The following RPS6 variants were observed in gnomAD, a reference collection of about 807,000 sequenced individuals.
RPS6 encodes small ribosomal subunit protein eS6.
A neutral mutation model predicts 27.1 loss-of-function variants in RPS6; 1 was observed. The ratio of observed to expected loss-of-function variants is 0.04; its 90% CI spans 0.01 to 0.18. The LOEUF (loss-of-function observed/expected upper bound fraction) is 0.18, where lower values mean the gene tolerates loss of function less well. Ranked by LOEUF, RPS6 falls within the 10% of genes least tolerant of loss-of-function variation. The pLI is 1.00. For synonymous variants in RPS6, 152 were observed against 106.0 expected, an observed-to-expected ratio of 1.43 and a Z score of -2.66; for missense variants, 259 against 319.1, an observed-to-expected ratio of 0.81 and a Z score of 1.44.
Position 19,378,494 on chromosome 9 carries a change from G to C in RPS6, c.370C>G (p.Leu124Val), listed in dbSNP as rs147112810. 2.0e-5 allele frequency: 33 copies of C among 1,613,552 alleles called. No homozygotes were observed. Among genetic ancestry groups the C allele is most frequent in the Non-Finnish European group, 2.7e-5 (32 of 1,179,934 alleles). The change falls in exon 4 of 6, where the codon CTG becomes GTG. Residue 124 changes from leucine to valine, a missense_variant. Coordinates refer to ENST00000380394, the MANE Select transcript of RPS6 (RefSeq NM_001010.3). ...VKKGEKDIPG[L>V]TDTTVPRRLG... ...CGGCGAGGCACTGTAGTATCAGTCAGTCCAGGAATATCCTTCTCTCCTTAG... is the reference window on the plus strand; with the variant it reads ...CGGCGAGGCACTGTAGTATCAGTCACTCCAGGAATATCCTTCTCTCCTTAG...
At chr9:19,377,621 A>G (rs903002950) in intron 4 of RPS6, among the ~76,000 whole-genome samples, 4 of 152,230 alleles carry the variant, frequency 2.6e-5, no homozygotes, top group Admixed American at 2.0e-4. Flanking sequence ...CATGCTGTTT[A>G]TTTAACATAA....
chr9:19,380,112 G>A lies in RPS6; in HGVS notation c.6+78C>T, dbSNP rs755753380. 213 of 1,614,114 alleles carry A rather than the reference G, an allele frequency of 1.3e-4. No homozygotes were observed. In the Middle Eastern group the frequency reaches 4.9e-3, roughly 38 times the overall value. On this transcript the variant is annotated intron_variant, in intron 1 of 5. Transcript: ENST00000380394. ...CCTAAAGCCAGGATCCTGGAGTGCT[G>A]GAACTGAGGCAATGCCGCGTTCTGG...
chr9:19,376,732 G>C, intron 4 of RPS6, 81 bp from the exon 5 acceptor site: 2 of 1,400,580 alleles, frequency 1.4e-6, no homozygotes, highest in Non-Finnish European at 1.9e-6. Context: ...AGAAATAAAC[G>C]TAAGCTTAAC....
At chr9:19,378,149 AT>A (rs1272844785) in intron 4 of RPS6, among the ~76,000 whole-genome samples, 1 of 152,210 alleles carries the variant, frequency 6.6e-6, no homozygotes, top group African/African-American at 2.4e-5. Context: ...TCACAAGCAG[AT>A]TTTCAACGAA....
At chr9:19,378,287 A>ATT in intron 4 of RPS6, 81 bp downstream of exon 4, 6 of 1,403,848 alleles carry the variant, frequency 4.3e-6, no homozygotes, top group Non-Finnish European at 6.0e-6. Context: ...CCAAAGGCAC[A>ATT]TATTTATCTT....
In RPS6 at chr9:19,375,757, G is replaced by A. The variant is rs986306897; in HGVS notation, c.*536C>T. 1 of 152,278 alleles carries A rather than the reference G, an allele frequency of 6.6e-6. No individual in the cohort carries two copies. Among genetic ancestry groups the A allele is most frequent in the African/African-American group, 2.4e-5 (1 of 41,412 alleles). The allele number at this position is 152,278 out of a possible 1,614,324, so 9.4% of individuals were successfully genotyped here. On this transcript the variant is annotated 3_prime_UTR_variant, in exon 6 of 6. Coordinates refer to ENST00000380394, the MANE Select transcript of RPS6 (RefSeq NM_001010.3). Reference sequence around the variant, plus strand: ...AATGTTTTTAGTCATTTCCTTTTCAGTGTGTGAACAGCCTAACAATTCACT... The same window carrying A: ...AATGTTTTTAGTCATTTCCTTTTCAATGTGTGAACAGCCTAACAATTCACT...
At chr9:19,380,081 T>C (rs1829654167) in intron 1 of RPS6, 109 bp downstream of exon 1, 2 of 1,612,290 alleles carry the variant, frequency 1.2e-6, no homozygotes, top group South Asian at 1.1e-5. Flanking sequence ...TTGAGACCCT[T>C]CTCCACCTAA....
At position 19,379,365 on chromosome 9, in the gene RPS6, G is replaced by A. The variant is rs772608803; in HGVS notation, c.138+122C>T. On this transcript the variant is annotated intron_variant, in intron 2 of 5. Coordinates refer to ENST00000380394, the MANE Select transcript of RPS6 (RefSeq NM_001010.3). Reference sequence around the variant, plus strand: ...CCTCTAACTTTATAAAGTGGCATTCGGAAGCAACTTACCAAAGGTCAGAAG... The same window carrying A: ...CCTCTAACTTTATAAAGTGGCATTCAGAAGCAACTTACCAAAGGTCAGAAG... The A allele has an allele frequency of 1.6e-4, 246 of 1,551,976 alleles. 1 individual carries two copies. The Middle Eastern group carries it at 1.7e-3, about 11-fold the overall frequency.
Position 19,378,828 on chromosome 9 carries a change from G to C in RPS6, c.229C>G (p.Leu77Val). The C allele has an allele frequency of 1.2e-6, 2 of 1,614,162 alleles. No homozygotes were observed. The highest frequency in any genetic ancestry group is 2.2e-5 in the South Asian group (2 of 91,086). ...CTGTAACAGGAATGCCCCTTACTCA[G>C]TAGCAGGCGGACACGGCCATGGGTC... Reference protein sequence around the residue: ...VLTHGRVRLLLSKGHSCYRPR... With the variant: ...VLTHGRVRLLVSKGHSCYRPR... Residue 77 changes from leucine to valine, a missense_variant, in exon 3 of 6, where the codon CTG becomes GTG. Transcript: ENST00000380394.
intron 1 of RPS6, 69 bp downstream of exon 1, chr9:19,380,121 G>T (rs1233078580): frequency 4.3e-6 from 7 of 1,613,952 alleles, no homozygotes; most frequent in African/African-American, 4.0e-5. Context: ...TGGAACTGAG[G>T]CAATGCCGCG....
intron 4 of RPS6, among the ~76,000 whole-genome samples, chr9:19,377,470 T>C (rs992569286): frequency 6.6e-6 from 1 of 151,302 alleles, no homozygotes; most frequent in African/African-American, 2.4e-5. Context: ...CCTTGAACAG[T>C]ACCTGTGCTC....
chr9:19,379,164 G>A (rs576920696), intron 2 of RPS6: 25 of 842,338 alleles, frequency 3.0e-5, no homozygotes, highest in Admixed American at 1.5e-4. Context: ...GCACTAAGAA[G>A]ATAAAATATC....
At chr9:19,379,465 G>C (rs368995322) in intron 2 of RPS6, 22 bp downstream of exon 2, 9 of 1,613,834 alleles carry the variant, frequency 5.6e-6, no homozygotes, top group African/African-American at 5.3e-5. Context: ...TTAAATACCT[G>C]CAACAATTTG....
At position 19,375,759 on chromosome 9, in the gene RPS6, G is replaced by A. The variant is rs1829561173; in HGVS notation, c.*534C>T. 6.6e-6 allele frequency: 1 copy of A among 152,308 alleles called. No individual in the cohort carries two copies. The highest frequency in any genetic ancestry group is 6.5e-5 in the Admixed American group (1 of 15,294). The allele number at this position is 152,308 out of a possible 1,614,324, so 9.4% of individuals were successfully genotyped here. A position where few individuals can be genotyped will look rare whatever the true frequency, so the allele number is the denominator to read the frequency against. ...TGTTTTTAGTCATTTCCTTTTCAGTGTGTGAACAGCCTAACAATTCACTGG... is the reference window on the plus strand; with the variant it reads ...TGTTTTTAGTCATTTCCTTTTCAGTATGTGAACAGCCTAACAATTCACTGG... On this transcript the variant is annotated 3_prime_UTR_variant, in exon 6 of 6. Coordinates refer to ENST00000380394, the MANE Select transcript of RPS6 (RefSeq NM_001010.3).
At chr9:19,379,111 C>T in intron 2 of RPS6, 193 bp from the exon 3 acceptor site, 1 of 764,902 alleles carries the variant, frequency 1.3e-6, no homozygotes, top group Non-Finnish European at 2.0e-6. Flanking sequence ...TATCAAATGT[C>T]TTTCAAGTCG....
chr9:19,378,050 G>A (rs976048290), intron 4 of RPS6, among the ~76,000 whole-genome samples: 1 of 152,178 alleles, frequency 6.6e-6, no homozygotes, highest in Non-Finnish European at 1.5e-5. Flanking sequence ...GGTGCTAATA[G>A]TCCCAGAATT....
intron 1 of RPS6, 155 bp from the exon 2 acceptor site, chr9:19,379,773 G>T (rs902883440): frequency 2.4e-5 from 36 of 1,470,954 alleles, no homozygotes; most frequent in Non-Finnish European, 3.1e-5. Context: ...AAAAGCACGT[G>T]AAAGCAGAGT....
chr9:19,380,055 G>A (rs932244873), intron 1 of RPS6, 135 bp downstream of exon 1: 98 of 1,590,126 alleles, frequency 6.2e-5, no homozygotes, highest in Non-Finnish European at 7.9e-5. Flanking sequence ...CCCCAGAAAG[G>A]CGAGCCTTCT....
At position 19,376,010 on chromosome 9, in the gene RPS6, T is replaced by TGC. The variant is rs1829573463; in HGVS notation, c.*282_*283insGC. On this transcript the variant is annotated 3_prime_UTR_variant, in exon 6 of 6. Coordinates refer to ENST00000380394, the MANE Select transcript of RPS6 (RefSeq NM_001010.3). ...ATATAAAAAAGATTAATAGTCCTCA[T>TGC]CATTTCCCCTAAGTTCCATGCCATT... The TGC allele has an allele frequency of 3.5e-6, 1 of 286,852 alleles. No homozygotes were observed. Among genetic ancestry groups the TGC allele is most frequent in the Non-Finnish European group, 6.5e-6 (1 of 153,160 alleles). The allele number at this position is 286,852 out of a possible 1,614,324, so 17.8% of individuals were successfully genotyped here.
Sources: allele counts gnomAD v4.1 joint callset (sites outside exome capture counted in the v4.1 genomes callset), GRCh38; gene constraint gnomAD v4.1.1; transcripts MANE v1.5; gene names NCBI Gene and HGNC (gene_info 2026-07-23, HGNC 2026-07-21).